The following NFIA variants were observed in gnomAD, a reference collection of about 807,000 sequenced individuals.
NFIA encodes the protein nuclear factor 1 A-type.
Under a neutral mutation model 62.8 loss-of-function variants are expected in NFIA, and 8 were observed. The observed-to-expected ratio is 0.13, with a 90% CI of 0.07 to 0.23. The LOEUF is 0.23. NFIA is among the 10% of genes least tolerant of loss of function. The pLI is 1.00. For missense variants in NFIA, 410 were observed against 642.1 expected, an observed-to-expected ratio of 0.64 and a Z score of 3.91; for synonymous variants, 235 against 238.1, an observed-to-expected ratio of 0.99 and a Z score of 0.12.
intron 2 of NFIA, among the ~76,000 whole-genome samples, chr1:61,266,193 G>A (rs1657151059): frequency 6.6e-6 from 1 of 151,998 alleles, no homozygotes; most frequent in Admixed American, 6.6e-5. Flanking sequence ...CGACCAGAAA[G>A]TAGACCTCCT....
intron 2 of NFIA, among the ~76,000 whole-genome samples, chr1:61,172,029 G>T (rs1650001091): frequency 1.3e-5 from 2 of 152,090 alleles, no homozygotes; most frequent in Admixed American, 1.3e-4. Flanking sequence ...CAACCTCAGG[G>T]GAGAAAAGCA....
In NFIA at chr1:61,426,795, AG is replaced by A. The variant is rs558422333; in HGVS notation, c.1512+241del. On this transcript the variant is annotated intron_variant, in intron 10 of 10. Coordinates refer to ENST00000403491, the MANE Select transcript of NFIA (RefSeq NM_001134673.4). ...GAACTGTTTTAGCTATGGCACAAAA[AG>A]GTTTCCCAGTGTTAGCTAGTGTGTG... is the stretch of plus-strand genomic sequence containing the variant. 1.8e-3 allele frequency among the ~76,000 whole-genome samples: 268 copies of A among 152,258 alleles called. 1 individual carries two copies. The highest frequency in any genetic ancestry group is 2.5e-3 in the Non-Finnish European group (171 of 68,018).
At chr1:61,195,678 G>T (rs1350135571) in intron 2 of NFIA, among the ~76,000 whole-genome samples, 2 of 152,046 alleles carry the variant, frequency 1.3e-5, no homozygotes, top group Non-Finnish European at 2.9e-5. Context: ...ATTCAAAGGG[G>T]ATACTTATTT....
chr1:61,391,436 ACAC>A (rs1467148521), intron 7 of NFIA, among the ~76,000 whole-genome samples: 9 of 3,384 alleles, frequency 2.7e-3, no homozygotes, highest in African/African-American at 0.011. Flanking sequence ...TATGAATCAA[ACAC>A]ACACACACAC....
chr1:61,217,436 G>T (rs962095539), intron 2 of NFIA, among the ~76,000 whole-genome samples: 1 of 152,098 alleles, frequency 6.6e-6, no homozygotes, highest in Non-Finnish European at 1.5e-5. Context: ...GCCCAGAAGA[G>T]AACTATATGT....
chr1:61,411,598 A>G (rs1014584477), intron 9 of NFIA, among the ~76,000 whole-genome samples: 2 of 152,040 alleles, frequency 1.3e-5, no homozygotes, highest in Non-Finnish European at 2.9e-5. Flanking sequence ...TCAGCAGGGA[A>G]TCCCTGGCCT....
Position 61,461,772 on chromosome 1 carries a change from T to G in NFIA, c.*6452T>G, listed in dbSNP as rs1668540147. ...GAACCACAAGAGCATACAGTGGAAGTGCTACCTCTAATCTAACCAGAGCAC... is the reference window on the plus strand; with the variant it reads ...GAACCACAAGAGCATACAGTGGAAGGGCTACCTCTAATCTAACCAGAGCAC... On this transcript the variant is annotated 3_prime_UTR_variant, in exon 11 of 11. Transcript: ENST00000403491. 6.6e-6 allele frequency: 1 copy of G among 152,212 alleles called. No individual in the cohort carries two copies. The highest frequency in any genetic ancestry group is 6.5e-5 in the Admixed American group (1 of 15,282). 9.4% of individuals were successfully genotyped at this position (152,212 alleles called of 1,614,324 possible).
intron 2 of NFIA, among the ~76,000 whole-genome samples, chr1:61,176,152 A>T (rs773796981): frequency 3.9e-5 from 6 of 152,208 alleles, no homozygotes; most frequent in Non-Finnish European, 5.9e-5. Context: ...GCAAGGCAGG[A>T]GTCCGCTTAG....
intron 3 of NFIA, among the ~76,000 whole-genome samples, chr1:61,319,005 T>C (rs752353336): frequency 5.9e-5 from 9 of 152,102 alleles, no homozygotes; most frequent in Non-Finnish European, 1.0e-4. Flanking sequence ...CTTTCAGTAA[T>C]CATATGGCAT....
At chr1:61,429,774 G>C (rs758408136) in intron 10 of NFIA, among the ~76,000 whole-genome samples, 1 of 152,176 alleles carries the variant, frequency 6.6e-6, no homozygotes, top group Non-Finnish European at 1.5e-5. Context: ...CCACAACGTG[G>C]ATGAATCTTG....
chr1:61,448,734 G>T (rs112198888), intron 10 of NFIA, among the ~76,000 whole-genome samples: 1 of 152,206 alleles, frequency 6.6e-6, no homozygotes, highest in Non-Finnish European at 1.5e-5. Flanking sequence ...AGCAAATGCG[G>T]TGGGCCGGAG....
At chr1:61,278,124 G>A (rs891558859) in intron 3 of NFIA, among the ~76,000 whole-genome samples, 1 of 152,158 alleles carries the variant, frequency 6.6e-6, no homozygotes, top group East Asian at 1.9e-4. Context: ...TGAGGATACA[G>A]GGCAGCATTA....
At chr1:61,241,260 A>G (rs1655332451) in intron 2 of NFIA, among the ~76,000 whole-genome samples, 3 of 151,940 alleles carry the variant, frequency 2.0e-5, no homozygotes, top group Non-Finnish European at 4.4e-5. Flanking sequence ...TATACCTTCC[A>G]CTTTCCTACT....
intron 2 of NFIA, among the ~76,000 whole-genome samples, chr1:61,089,685 G>GT (rs959067137): frequency 1.7e-4 from 20 of 118,116 alleles, no homozygotes; most frequent in Middle Eastern, 4.7e-3. Context: ...AATATTTAAC[G>GT]TTTTTTTTTC....
chr1:61,283,618 G>A (rs1658302658), intron 3 of NFIA, among the ~76,000 whole-genome samples: 1 of 118,094 alleles, frequency 8.5e-6, no homozygotes, highest in Non-Finnish European at 1.9e-5. Flanking sequence ...AGATTTATGT[G>A]TAGGATTTAC....
intron 6 of NFIA, among the ~76,000 whole-genome samples, chr1:61,362,897 G>A (rs1375421947): frequency 1.3e-5 from 2 of 152,122 alleles, no homozygotes; most frequent in African/African-American, 4.8e-5. Flanking sequence ...ATCAACTCTT[G>A]TTTATCTGTA....
intron 2 of NFIA, among the ~76,000 whole-genome samples, chr1:61,192,027 T>G (rs570884314): frequency 6.6e-6 from 1 of 151,880 alleles, no homozygotes; most frequent in Admixed American, 6.6e-5. Flanking sequence ...TGGTGCAGTC[T>G]CAGCTCACTG....
chr1:61,260,242 T>C (rs1357483309), intron 2 of NFIA, among the ~76,000 whole-genome samples: 3 of 152,212 alleles, frequency 2.0e-5, no homozygotes, highest in Admixed American at 6.5e-5. Context: ...TTTCAGAAAA[T>C]AGTATTTGTA....
chr1:61,189,221 A>T (rs1440934644), intron 2 of NFIA, among the ~76,000 whole-genome samples: 1 of 152,174 alleles, frequency 6.6e-6, no homozygotes, highest in Non-Finnish European at 1.5e-5. Context: ...TAAGCAGACA[A>T]GGACAAGGAG....
Sources: gnomAD v4.1 joint callset for allele counts (sites outside exome capture counted in the v4.1 genomes callset) on GRCh38, gnomAD v4.1.1 for gene constraint, MANE v1.5 for transcripts, NCBI Gene and HGNC (gene_info 2026-07-23, HGNC 2026-07-21) for gene names.